The following IFFO2 variants were observed in gnomAD, a reference collection of about 807,000 sequenced individuals.
IFFO2 encodes intermediate filament family orphan 2.
Under a neutral mutation model 53.5 loss-of-function variants are expected in IFFO2, and 19 were observed. The observed-to-expected ratio is 0.36, with a 90% confidence interval of 0.25 to 0.52. The LOEUF (loss-of-function observed/expected upper bound fraction) is 0.52. Among genes scored for constraint, IFFO2 ranks in the 20% least tolerant of loss-of-function variants. The pLI, the probability that IFFO2 is intolerant of heterozygous loss-of-function variation, is 0.94. For missense variants in IFFO2, 570 were observed against 727.4 expected (o/e 0.78, Z 2.49); for synonymous variants, 303 against 313.6 (o/e 0.97, Z 0.36).
rs1050685324 is a variant in IFFO2 at position 18,929,000 on chromosome 1, T to C, written c.666-7879A>G. Among the ~76,000 whole-genome samples the C allele has an allele frequency of 6.6e-6, 1 of 152,180 alleles. No homozygotes were observed. Among genetic ancestry groups the C allele is most frequent in the Admixed American group, 6.5e-5 (1 of 15,278 alleles). On this transcript the variant is annotated intron_variant, in intron 1 of 8. Transcript: ENST00000455833. The surrounding 1 kb of genome is among the most constrained non-coding windows in gnomAD (Gnocchi z 4.9). Reference sequence around the variant, plus strand: ...TCTCCCAGAAGAAGCAGCAGCGTGGTGTGGGAGCATGCATTCATTCGTTTG... The same window carrying C: ...TCTCCCAGAAGAAGCAGCAGCGTGGCGTGGGAGCATGCATTCATTCGTTTG...
At chr1:18,938,068 G>C (rs1161524782) in intron 1 of IFFO2, among the ~76,000 whole-genome samples, 1 of 150,344 alleles carries the variant, frequency 6.7e-6, no homozygotes, top group African/African-American at 2.5e-5. Flanking sequence ...TTGGGGCAAA[G>C]TGGGAGGCCA....
chr1:18,920,450 T>C (rs1936200907), intron 2 of IFFO2, among the ~76,000 whole-genome samples: 1 of 152,208 alleles, frequency 6.6e-6, no homozygotes, highest in Admixed American at 6.5e-5. Context: ...TTTCATGCCT[T>C]CTCATGGGGT....
intron 6 of IFFO2, 38 bp downstream of exon 6, chr1:18,911,925 C>A: frequency 6.4e-7 from 1 of 1,550,448 alleles, no homozygotes; most frequent in South Asian, 1.2e-5. Flanking sequence ...CCCCAGACCC[C>A]TAGTCCTGGC....
At chr1:18,938,743 G>T (rs1361784273) in intron 1 of IFFO2, among the ~76,000 whole-genome samples, 1 of 151,190 alleles carries the variant, frequency 6.6e-6, no homozygotes. Flanking sequence ...GTGGCCAGAG[G>T]ACAGCCTGCC....
chr1:18,954,020 C>T (rs1936691554), intron 1 of IFFO2, among the ~76,000 whole-genome samples: 2 of 152,234 alleles, frequency 1.3e-5, no homozygotes, highest in Non-Finnish European at 2.9e-5. Context: ...GCTTCCCTAG[C>T]CTGCCCCAAT....
intron 1 of IFFO2, among the ~76,000 whole-genome samples, chr1:18,921,874 C>T (rs1569843115): frequency 6.6e-6 from 1 of 152,030 alleles, no homozygotes; most frequent in Non-Finnish European, 1.5e-5. Context: ...GGGGAGAAGG[C>T]AAAGGAGGGT....
intron 1 of IFFO2, 142 bp downstream of exon 1, chr1:18,955,526 C>G: frequency 1.6e-6 from 2 of 1,284,096 alleles, no homozygotes; most frequent in African/African-American, 3.1e-5. Context: ...TCCTGGCGTA[C>G]GTAAGACGCT....
chr1:18,956,188 C>A lies in IFFO2; in HGVS notation c.145G>T (p.Asp49Tyr), dbSNP rs1268246351. 1.4e-6 allele frequency: 2 copies of A among 1,446,024 alleles called. No individual in the cohort carries two copies. The highest frequency in any genetic ancestry group is 6.2e-5 in the East Asian group (2 of 32,112). 89.6% of individuals were successfully genotyped at this position (1,446,024 alleles called of 1,614,324 possible). ...AAGAGGTGGATGTTGGAGCCCAGGT[C>A]GTCCCGCAGCGCCGCCGTCACCGGC... ...PSPVTAALRD[D>Y]LGSNIHLLKG... Residue 49 changes from aspartate to tyrosine, a missense_variant, in exon 1 of 9, where the codon GAC becomes TAC. Asp to Tyr is a radical substitution (Grantham distance 160). Transcript: ENST00000455833. The surrounding 1 kb of genome is among the most constrained non-coding windows in gnomAD (Gnocchi z 6.4).
chr1:18,922,689 G>GGCT (rs1435878599), intron 1 of IFFO2, among the ~76,000 whole-genome samples: 1 of 152,072 alleles, frequency 6.6e-6, no homozygotes. Flanking sequence ...TTCCTTCCAG[G>GGCT]GCTGGAGGGC....
chr1:18,938,816 A>G (rs552506957), intron 1 of IFFO2, among the ~76,000 whole-genome samples: 2 of 151,996 alleles, frequency 1.3e-5, no homozygotes, highest in Non-Finnish European at 2.9e-5. Context: ...GGCCACGCCC[A>G]CCCCTGCAGG....
At chr1:18,953,529 C>A (rs1936683710) in intron 1 of IFFO2, among the ~76,000 whole-genome samples, 2 of 152,148 alleles carry the variant, frequency 1.3e-5, no homozygotes. Context: ...TAAAGCATCT[C>A]TAAGAAAGCC....
chr1:18,936,659 A>G lies in IFFO2; in HGVS notation c.666-15538T>C, dbSNP rs1936453213. Among the ~76,000 whole-genome samples, 1 of 152,236 alleles carries G rather than the reference A, an allele frequency of 6.6e-6. No homozygotes were observed. Among genetic ancestry groups the G allele is most frequent in the Non-Finnish European group, 1.5e-5 (1 of 68,038 alleles). On this transcript the variant is annotated intron_variant, in intron 1 of 8. Transcript: ENST00000455833. The surrounding 1 kb of genome is among the most constrained non-coding windows in gnomAD (Gnocchi z 4.5). ...CAAGTGACTGTGCTGCCCTGGAGGT[A>G]AATGTAGGGCACCTCAGGGTAATCT...
chr1:18,954,319 G>T (rs942564294), intron 1 of IFFO2, among the ~76,000 whole-genome samples: 1 of 152,322 alleles, frequency 6.6e-6, no homozygotes, highest in Admixed American at 6.5e-5. Flanking sequence ...GAGCAACTGT[G>T]GGCAGATTTT....
rs1200788365 is a variant in IFFO2 at position 18,936,675 on chromosome 1, A to G, written c.666-15554T>C. Among the ~76,000 whole-genome samples the G allele has an allele frequency of 3.9e-5, 6 of 152,254 alleles. No homozygotes were observed. The East Asian group carries it at 1.2e-3, about 29-fold the overall frequency. On this transcript the variant is annotated intron_variant, in intron 1 of 8. Transcript: ENST00000455833. The surrounding 1 kb of genome is among the most constrained non-coding windows in gnomAD (Gnocchi z 4.5). ...CCTGGAGGTAAATGTAGGGCACCTC[A>G]GGGTAATCTCCCGCATACTTACTCA...
At chr1:18,943,462 G>A (rs571409820) in intron 1 of IFFO2, among the ~76,000 whole-genome samples, 1 of 152,288 alleles carries the variant, frequency 6.6e-6, no homozygotes, top group South Asian at 2.1e-4. Context: ...AAGGAGCCCT[G>A]GAAACATGGT....
intron 5 of IFFO2, among the ~76,000 whole-genome samples, chr1:18,914,274 G>A (rs896509428): frequency 3.9e-5 from 6 of 152,188 alleles, no homozygotes; most frequent in African/African-American, 1.4e-4. Flanking sequence ...ACACACTGGA[G>A]CCTTTGCCCA....
chr1:18,937,453 C>T (rs1379368010), intron 1 of IFFO2, among the ~76,000 whole-genome samples: 1 of 152,186 alleles, frequency 6.6e-6, no homozygotes, highest in Non-Finnish European at 1.5e-5. Flanking sequence ...TGATGTGAAC[C>T]ACTGGGGAGT....
At chr1:18,950,465 C>T (rs1936645892) in intron 1 of IFFO2, among the ~76,000 whole-genome samples, 2 of 152,182 alleles carry the variant, frequency 1.3e-5, no homozygotes, top group African/African-American at 2.4e-5. Flanking sequence ...ACAAGATGAT[C>T]CCTCTTTTAC....
chr1:18,916,956 A>T lies in IFFO2; in HGVS notation c.1050T>A (p.Asp350Glu). The change falls in exon 5 of 9, where the codon GAT becomes GAA. Residue 350 changes from aspartate (D) to glutamate (E), a missense_variant. Coordinates refer to ENST00000455833, the MANE Select transcript of IFFO2 (RefSeq NM_001136265.2). This position sits in a 1 kb window ranked among gnomAD's most constrained non-coding sequence, Gnocchi z 4.3. ...CGGTGATGTTCATGGAGCCGACCTC[A>T]TCGTCCGAGAACCGGTTCACCTCCC... ...QDGEVNRFSD[D>E]EVGSMNITDE... The T allele has an allele frequency of 6.4e-7, 1 of 1,551,960 alleles. No homozygotes were observed.
Sources: gnomAD v4.1 joint callset for allele counts (sites outside exome capture counted in the v4.1 genomes callset) on GRCh38, gnomAD v4.1.1 for gene constraint, Gnocchi (gnomAD v3.1) non-coding constraint, MANE v1.5 for transcripts, NCBI Gene and HGNC (gene_info 2026-07-23, HGNC 2026-07-21) for gene names.